BTAF1: variants seen among roughly 807,000 people sequenced by gnomAD.
BTAF1 encodes the protein B-TFIID TATA-box binding protein associated factor 1.
In BTAF1, 38 loss-of-function variants were observed where a neutral mutation model predicts 227.1. That is an observed-to-expected ratio of 0.17 (90% CI 0.13 to 0.22). The LOEUF is 0.22. Ranked by LOEUF, BTAF1 falls within the 10% of genes least tolerant of loss-of-function variation. The pLI, the probability that BTAF1 is intolerant of heterozygous loss-of-function variation, is 1.00. For synonymous variants in BTAF1, 742 were observed against 751.9 expected (o/e 0.99, Z 0.21); for missense variants, 1,598 against 2,204.0 (o/e 0.73, Z 5.51).
chr10:91,934,840 C>A (rs748681701), intron 1 of BTAF1, among the ~76,000 whole-genome samples: 29 of 152,154 alleles, frequency 1.9e-4, no homozygotes, highest in Non-Finnish European at 3.2e-4. Flanking sequence ...TAATCTCCAC[C>A]AGTGTTAAAA....
intron 18 of BTAF1, 101 bp from the exon 19 acceptor site, chr10:91,984,100 C>A: frequency 2.0e-6 from 2 of 992,184 alleles, no homozygotes; most frequent in Admixed American, 2.7e-5. Context: ...AGATTCAGTA[C>A]AAGTAAGAAT....
intron 3 of BTAF1, among the ~76,000 whole-genome samples, chr10:91,941,746 T>C (rs537271152): frequency 6.6e-6 from 1 of 152,376 alleles, no homozygotes; most frequent in South Asian, 2.1e-4. Flanking sequence ...CTTAGTATTT[T>C]TAAACTCTTA....
intron 34 of BTAF1, among the ~76,000 whole-genome samples, chr10:92,020,876 T>C (rs531284073): frequency 6.6e-6 from 1 of 152,330 alleles, no homozygotes; most frequent in South Asian, 2.1e-4. Context: ...TTACAGATTT[T>C]TTTTTTCCCA....
chr10:91,999,568 A>T (rs1215226660), intron 25 of BTAF1, among the ~76,000 whole-genome samples: 1 of 152,164 alleles, frequency 6.6e-6, no homozygotes, highest in Admixed American at 6.5e-5. Flanking sequence ...CTAATTTTGT[A>T]TTTTTAGTAG....
At chr10:91,928,818 T>G (rs915751516) in intron 1 of BTAF1, among the ~76,000 whole-genome samples, 2 of 138,708 alleles carry the variant, frequency 1.4e-5, no homozygotes, top group African/African-American at 5.5e-5. Context: ...TTGGCATTTT[T>G]GTTGTTTGTT....
chr10:92,027,351 ACTG>A, intron 37 of BTAF1, 51 bp downstream of exon 37: 6 of 1,505,714 alleles, frequency 4.0e-6, no homozygotes, highest in Non-Finnish European at 5.4e-6. Context: ...GCTTCCTGTG[ACTG>A]CTAAGTTGAA....
At chr10:91,964,245 T>C in intron 13 of BTAF1, 44 bp downstream of exon 13, 1 of 1,579,082 alleles carries the variant, frequency 6.3e-7, no homozygotes, top group Middle Eastern at 2.0e-4. Context: ...AGTCTTTACA[T>C]ACCTTTCGAG....
At chr10:91,985,236 C>T (rs369737279) in intron 19 of BTAF1, among the ~76,000 whole-genome samples, 1 of 152,062 alleles carries the variant, frequency 6.6e-6, no homozygotes, top group Non-Finnish European at 1.5e-5. Flanking sequence ...TGAAATCATA[C>T]ACTGTGCTCT....
intron 5 of BTAF1, among the ~76,000 whole-genome samples, chr10:91,953,333 G>A (rs765372651): frequency 2.0e-4 from 30 of 152,086 alleles, no homozygotes; most frequent in Admixed American, 2.0e-3. Flanking sequence ...ATCACTTAAG[G>A]CTATAATTTA....
intron 21 of BTAF1, among the ~76,000 whole-genome samples, 176 bp downstream of exon 21, chr10:91,992,485 GTC>G (rs542915715): frequency 3.0e-4 from 45 of 152,256 alleles, no homozygotes; most frequent in Middle Eastern, 3.4e-3. Flanking sequence ...AATATCTCAT[GTC>G]TCTTGTAATT....
In BTAF1 at chr10:92,019,321, T is replaced by C. The variant is rs530698198; in HGVS notation, c.4863+386T>C. 3.3e-5 allele frequency among the ~76,000 whole-genome samples: 5 copies of C among 152,364 alleles called. No homozygotes were observed. The South Asian group carries it at 1.0e-3, about 32-fold the overall frequency. ...ATTTGCCTGTTCTAAATATTTCATT[T>C]AAGTGGAATCATAAAATATTTGTCA... On this transcript the variant is annotated intron_variant, in intron 34 of 37. Transcript: ENST00000265990.
chr10:92,002,687 T>G (rs1030008323), intron 25 of BTAF1, among the ~76,000 whole-genome samples: 2 of 152,176 alleles, frequency 1.3e-5, no homozygotes, highest in African/African-American at 4.8e-5. Context: ...ATAGACTCAA[T>G]CTACATACCT....
intron 37 of BTAF1, among the ~76,000 whole-genome samples, chr10:92,028,030 T>G (rs1173931828): frequency 2.0e-5 from 3 of 152,182 alleles, no homozygotes; most frequent in Non-Finnish European, 4.4e-5. Flanking sequence ...TTTGGGGAGC[T>G]ACATTTTAAA....
chr10:91,958,085 G>C (rs1432498189), intron 8 of BTAF1, among the ~76,000 whole-genome samples: 1 of 152,064 alleles, frequency 6.6e-6, no homozygotes, highest in African/African-American at 2.4e-5. Flanking sequence ...GTCTCACTCT[G>C]TCTCCCAGGC....
chr10:91,968,951 C>T (rs1035110780), intron 14 of BTAF1, among the ~76,000 whole-genome samples: 8 of 151,450 alleles, frequency 5.3e-5, no homozygotes, highest in Admixed American at 1.3e-4. Flanking sequence ...ATCCTGAACT[C>T]GTGGGCTCAA....
intron 4 of BTAF1, among the ~76,000 whole-genome samples, chr10:91,944,592 T>C (rs960479611): frequency 6.6e-6 from 1 of 152,380 alleles, no homozygotes; most frequent in East Asian, 1.9e-4. Context: ...CAATTCATCA[T>C]TTAAAGTATA....
chr10:92,014,306 G>T (rs917733309), intron 32 of BTAF1, among the ~76,000 whole-genome samples: 2 of 152,060 alleles, frequency 1.3e-5, no homozygotes, highest in Non-Finnish European at 2.9e-5. Context: ...ATGGCTCACT[G>T]CAGCCTCGAC....
At chr10:92,001,946 C>CAAAAAAAAAAAAAAAAAAAAAAAAAAA (rs10561232) in intron 25 of BTAF1, among the ~76,000 whole-genome samples, 1 of 84,910 alleles carries the variant, frequency 1.2e-5, no homozygotes, top group African/African-American at 5.0e-5. Flanking sequence ...AACCCTGTCT[C>CAAAAAAAAAAAAAAAAAAAAAAAAAAA]AAAAAAAAAA....
chr10:91,989,641 C>T, intron 20 of BTAF1, 61 bp downstream of exon 20: 10 of 1,423,756 alleles, frequency 7.0e-6, no homozygotes, highest in Non-Finnish European at 9.5e-6. Flanking sequence ...TTTTTGTTTA[C>T]TTATGGGTAT....
Sources: allele counts gnomAD v4.1 joint callset (sites outside exome capture counted in the v4.1 genomes callset), GRCh38; gene constraint gnomAD v4.1.1; transcripts MANE v1.5; gene names NCBI Gene and HGNC (gene_info 2026-07-23, HGNC 2026-07-21).